The following CADPS2 variants were observed in gnomAD, a reference collection of about 807,000 sequenced individuals.
The protein encoded by CADPS2 is calcium-dependent secretion activator 2.
CADPS2 carries 93 observed loss-of-function variants against 172.5 expected under a neutral mutation model. The observed-to-expected ratio is 0.54, with a 90% CI of 0.46 to 0.64. The LOEUF is 0.64. CADPS2 is among the 30% of genes least tolerant of loss of function. The pLI, the probability that CADPS2 is intolerant of heterozygous loss-of-function variation, is 0.00. For missense variants in CADPS2, 1,420 were observed against 1,565.9 expected (o/e 0.91, Z 1.57); for synonymous variants, 546 against 555.2 (o/e 0.98, Z 0.23).
At chr7:122,597,210 C>T (rs779836703) in intron 6 of CADPS2, among the ~76,000 whole-genome samples, 10 of 152,026 alleles carry the variant, frequency 6.6e-5, no homozygotes, top group Non-Finnish European at 1.0e-4. Context: ...TATCATCATA[C>T]GTCAGTTAAA....
chr7:122,859,172 T>C (rs746742372), intron 1 of CADPS2, among the ~76,000 whole-genome samples: 7 of 152,222 alleles, frequency 4.6e-5, no homozygotes, highest in African/African-American at 7.2e-5. Context: ...TCAATTTCAC[T>C]GGGTCTTAAT....
At chr7:122,465,840 T>C (rs2055063214) in intron 14 of CADPS2, among the ~76,000 whole-genome samples, 2 of 152,156 alleles carry the variant, frequency 1.3e-5, no homozygotes, top group South Asian at 4.1e-4. Flanking sequence ...TACCCAATCC[T>C]GATAAAACCA....
At chr7:122,880,766 T>A (rs1822713113) in intron 1 of CADPS2, among the ~76,000 whole-genome samples, 1 of 152,188 alleles carries the variant, frequency 6.6e-6, no homozygotes, top group Admixed American at 6.5e-5. Context: ...GGAAATCATA[T>A]CAAAACATTT....
At chr7:122,494,187 AGCACCAGCTTCT>A (rs1451652629) in intron 9 of CADPS2, among the ~76,000 whole-genome samples, 2 of 152,178 alleles carry the variant, frequency 1.3e-5, no homozygotes, top group Non-Finnish European at 2.9e-5. Context: ...CTGCTGAGGC[AGCACCAGCTTCT>A]GCAGGAGTTC....
chr7:122,357,263 T>C (rs1028667225), intron 27 of CADPS2: 11 of 152,130 alleles, frequency 7.2e-5, no homozygotes. Context: ...TACACACGTA[T>C]AGTGGCTTCA....
At chr7:122,792,934 T>G (rs1795595556) in intron 1 of CADPS2, among the ~76,000 whole-genome samples, 1 of 152,156 alleles carries the variant, frequency 6.6e-6, no homozygotes, top group African/African-American at 2.4e-5. Flanking sequence ...CAACTACATA[T>G]TTGTACAAAT....
chr7:122,797,574 T>A (rs1351164284), intron 1 of CADPS2, among the ~76,000 whole-genome samples: 2 of 152,162 alleles, frequency 1.3e-5, no homozygotes, highest in East Asian at 3.9e-4. Flanking sequence ...GAGGCCATTA[T>A]CCTTAGCAAA....
At chr7:122,734,387 G>GAAAAAAA (rs768675808) in intron 2 of CADPS2, among the ~76,000 whole-genome samples, 1 of 90,800 alleles carries the variant, frequency 1.1e-5, no homozygotes, top group Admixed American at 1.6e-4. Flanking sequence ...AAAAAAAAAA[G>GAAAAAAA]AAAAAAAAAA....
chr7:122,355,816 G>A (rs1030753500), intron 27 of CADPS2, among the ~76,000 whole-genome samples: 2 of 152,024 alleles, frequency 1.3e-5, no homozygotes, highest in African/African-American at 2.4e-5. Flanking sequence ...GACTAGACTG[G>A]GGCCACTTAA....
intron 6 of CADPS2, among the ~76,000 whole-genome samples, chr7:122,586,168 G>A (rs921932663): frequency 1.3e-4 from 20 of 151,894 alleles, no homozygotes; most frequent in Admixed American, 1.3e-4. Context: ...AAAACTGAAC[G>A]TGCACATTTT....
At chr7:122,854,290 G>C (rs1262046334) in intron 1 of CADPS2, among the ~76,000 whole-genome samples, 4 of 152,128 alleles carry the variant, frequency 2.6e-5, no homozygotes, top group Non-Finnish European at 5.9e-5. Context: ...AGAATCACTT[G>C]AGCCCTGGAG....
chr7:122,732,954 C>T (rs1489221899), intron 2 of CADPS2, among the ~76,000 whole-genome samples: 1 of 141,292 alleles, frequency 7.1e-6, no homozygotes, highest in African/African-American at 2.5e-5. Flanking sequence ...TCAGAAATGG[C>T]TATCACAGCT....
intron 3 of CADPS2, among the ~76,000 whole-genome samples, chr7:122,631,492 T>C (rs1252942109): frequency 2.0e-5 from 3 of 152,118 alleles, no homozygotes; most frequent in African/African-American, 7.2e-5. Context: ...TTGCCCAGGC[T>C]TGTCTTGAAC....
chr7:122,790,710 GC>G (rs1483389654), intron 1 of CADPS2, among the ~76,000 whole-genome samples: 1 of 152,038 alleles, frequency 6.6e-6, no homozygotes, highest in Non-Finnish European at 1.5e-5. Context: ...TCAAATTATA[GC>G]TCATGAATAC....
At chr7:122,660,979 C>T (rs567729304) in intron 3 of CADPS2, among the ~76,000 whole-genome samples, 161 of 152,126 alleles carry the variant, frequency 1.1e-3, no homozygotes, top group African/African-American at 3.7e-3. Flanking sequence ...AAAATAAAGA[C>T]TTATGTTAAA....
rs532775273 is a variant in CADPS2 at position 122,793,694 on chromosome 7, G to A, written c.340-56626C>T. Among the ~76,000 whole-genome samples, 155 of 152,068 alleles carry A rather than the reference G, an allele frequency of 1.0e-3. 1 individual carries two copies. The highest frequency in any genetic ancestry group is 1.6e-3 in the Non-Finnish European group (110 of 67,988). ...CATGATGTTAGCTGGTTATTTTGCA[G>A]ACTTGTTTATGTGGTTGCTTCATAG... is the stretch of plus-strand genomic sequence containing the variant. On this transcript the variant is annotated intron_variant, in intron 1 of 29. Transcript: ENST00000449022.
chr7:122,746,109 C>T lies in CADPS2; in HGVS notation c.340-9041G>A, dbSNP rs113968350. 2.4e-3 allele frequency among the ~76,000 whole-genome samples: 370 copies of T among 152,184 alleles called. 1 individual carries two copies. The highest frequency in any genetic ancestry group is 8.1e-3 in the African/African-American group (336 of 41,526). ...AATGATAGAATAAAAATACTTAACACATATTAAATGCTTTATAATTGCCAT... is the reference window on the plus strand; with the variant it reads ...AATGATAGAATAAAAATACTTAACATATATTAAATGCTTTATAATTGCCAT... On this transcript the variant is annotated intron_variant, in intron 1 of 29. Transcript: ENST00000449022.
intron 3 of CADPS2, among the ~76,000 whole-genome samples, chr7:122,655,259 T>G (rs979870596): frequency 3.3e-5 from 5 of 152,200 alleles, no homozygotes; most frequent in Admixed American, 2.6e-4. Context: ...TAATTCCAAT[T>G]TTGAAAAATG....
At chr7:122,878,639 CAAATAAATAAAT>C (rs59190953) in intron 1 of CADPS2, among the ~76,000 whole-genome samples, 4,472 of 138,948 alleles carry the variant, frequency 0.032, 85 homozygotes, top group Non-Finnish European at 0.038. Context: ...GACTCTGTCT[CAAATAAATAAAT>C]AAATAAATAA....
Sources: gnomAD v4.1 joint callset for allele counts (sites outside exome capture counted in the v4.1 genomes callset) on GRCh38, gnomAD v4.1.1 for gene constraint, MANE v1.5 for transcripts, NCBI Gene and HGNC (gene_info 2026-07-23, HGNC 2026-07-21) for gene names.